Variants in FBXO21 observed in about 807,000 individuals in gnomAD.
The protein encoded by FBXO21 is F-box protein 21, also known as F-box only protein 21.
Under a neutral mutation model 76.6 loss-of-function variants are expected in FBXO21, and 32 were observed. That is an observed-to-expected ratio of 0.42 (90% CI 0.32 to 0.56). FBXO21 has a LOEUF of 0.56. FBXO21 is among the 20% of genes least tolerant of loss of function. The pLI, the probability that FBXO21 is intolerant of heterozygous loss-of-function variation, is 0.16. For missense variants in FBXO21, 586 were observed against 797.3 expected, an observed-to-expected ratio of 0.73 and a Z score of 3.19; for synonymous variants, 328 against 311.5, an observed-to-expected ratio of 1.05 and a Z score of -0.56.
At chr12:117,152,078 T>C (rs1955849246) in intron 11 of FBXO21, among the ~76,000 whole-genome samples, 1 of 151,342 alleles carries the variant, frequency 6.6e-6, no homozygotes, top group Non-Finnish European at 1.5e-5. Flanking sequence ...CCAAGAATTC[T>C]TATCCCGATC....
chr12:117,152,255 C>T (rs1955851642), intron 11 of FBXO21, among the ~76,000 whole-genome samples: 1 of 152,110 alleles, frequency 6.6e-6, no homozygotes, highest in South Asian at 2.1e-4. Flanking sequence ...ATGCTTGAGT[C>T]CAGGACTTCG....
chr12:117,177,122 C>T (rs183773725), intron 4 of FBXO21, among the ~76,000 whole-genome samples: 80 of 152,262 alleles, frequency 5.3e-4, no homozygotes, highest in African/African-American at 1.8e-3. Flanking sequence ...ACATTCTGTC[C>T]TCAATAAACT....
chr12:117,183,312 G>A (rs144628353), intron 3 of FBXO21, among the ~76,000 whole-genome samples: 1,978 of 151,478 alleles, frequency 0.013, 35 homozygotes, highest in African/African-American at 0.045. Flanking sequence ...ATGCAATGGC[G>A]CGATCTCGGC....
At chr12:117,160,186 C>T (rs1056691814) in intron 9 of FBXO21, among the ~76,000 whole-genome samples, 1 of 152,188 alleles carries the variant, frequency 6.6e-6, no homozygotes, top group Non-Finnish European at 1.5e-5. Context: ...TTTAACTACT[C>T]AACTCTGCCA....
chr12:117,189,540 G>T (rs1956323437), intron 1 of FBXO21, among the ~76,000 whole-genome samples, 178 bp from the exon 2 acceptor site: 1 of 152,074 alleles, frequency 6.6e-6, no homozygotes, highest in Admixed American at 6.5e-5. Context: ...TGTGACCTTG[G>T]CGTAGCGGCA....
At chr12:117,162,084 G>A (rs975194461) in intron 9 of FBXO21, among the ~76,000 whole-genome samples, 3 of 152,174 alleles carry the variant, frequency 2.0e-5, no homozygotes, top group Non-Finnish European at 4.4e-5. Flanking sequence ...TTGGGGAGGA[G>A]GAAAGGTGGC....
At chr12:117,181,999 T>C (rs915280179) in intron 3 of FBXO21, among the ~76,000 whole-genome samples, 5 of 151,922 alleles carry the variant, frequency 3.3e-5, no homozygotes, top group African/African-American at 1.2e-4. Context: ...TTGTAGGACA[T>C]ACTCGTTTTT....
chr12:117,150,871 C>CTGTGTTTG (rs1955830033), intron 11 of FBXO21, among the ~76,000 whole-genome samples: 1 of 127,630 alleles, frequency 7.8e-6, no homozygotes, highest in African/African-American at 3.0e-5. Flanking sequence ...TGGCCATGGA[C>CTGTGTTTG]TGTGTGTGTG....
chr12:117,184,447 T>C (rs1227610270), intron 3 of FBXO21, among the ~76,000 whole-genome samples: 1 of 152,164 alleles, frequency 6.6e-6, no homozygotes, highest in Non-Finnish European at 1.5e-5. Context: ...AAAAAGTGGT[T>C]GTCCATCTAT....
intron 3 of FBXO21, among the ~76,000 whole-genome samples, chr12:117,181,112 A>T (rs927787799): frequency 6.6e-6 from 1 of 152,138 alleles, no homozygotes; most frequent in Non-Finnish European, 1.5e-5. Context: ...GCCAGTCCTT[A>T]TATCAGTGTT....
chr12:117,172,391 T>G, intron 7 of FBXO21, 80 bp downstream of exon 7: 1 of 1,511,142 alleles, frequency 6.6e-7, no homozygotes, highest in Middle Eastern at 2.4e-4. Flanking sequence ...ACACCCAACT[T>G]GATGATGAAA....
chr12:117,174,137 T>TA, intron 6 of FBXO21, 68 bp downstream of exon 6: 1 of 1,354,038 alleles, frequency 7.4e-7, no homozygotes. Flanking sequence ...ACCCTGTCTC[T>TA]AAAAACAGAA....
intron 3 of FBXO21, among the ~76,000 whole-genome samples, chr12:117,179,401 G>C (rs1309076266): frequency 6.6e-6 from 1 of 151,958 alleles, no homozygotes; most frequent in Non-Finnish European, 1.5e-5. Context: ...CTAAACAGGC[G>C]AGTCTGTTTT....
intron 4 of FBXO21, 35 bp downstream of exon 4, chr12:117,177,485 A>G: frequency 6.3e-7 from 1 of 1,586,912 alleles, no homozygotes; most frequent in East Asian, 2.2e-5. Flanking sequence ...TACCTACAGA[A>G]ATACTACTGT....
chr12:117,146,410 T>C, intron 11 of FBXO21, 133 bp from the exon 12 acceptor site: 1 of 697,534 alleles, frequency 1.4e-6, no homozygotes, highest in Non-Finnish European at 2.4e-6. Context: ...AAGATGTTTA[T>C]GGAGTCAGGA....
chr12:117,163,394 G>A lies in FBXO21; in HGVS notation c.1326+2091C>T, dbSNP rs370419209. Among the ~76,000 whole-genome samples the A allele has an allele frequency of 7.2e-5, 11 of 152,040 alleles. No individual in the cohort carries two copies. In the East Asian group the frequency reaches 1.4e-3, roughly 19 times the overall value. On this transcript the variant is annotated intron_variant, in intron 9 of 11. Coordinates refer to ENST00000622495, the MANE Select transcript of FBXO21 (RefSeq NM_015002.3). Reference sequence around the variant, plus strand: ...CTAAAAATATAAAAATTAACCAGACGTGGTGGCACGTGTCTGTAATCCCAG... The same window carrying A: ...CTAAAAATATAAAAATTAACCAGACATGGTGGCACGTGTCTGTAATCCCAG...
chr12:117,155,930 C>G lies in FBXO21; in HGVS notation c.1536G>C (p.Val512=). 1 of 1,614,232 alleles carries G rather than the reference C, an allele frequency of 6.2e-7. No homozygotes were observed. The highest frequency in any genetic ancestry group is 1.1e-5 in the South Asian group (1 of 91,084). ...MKHKRYGYNC[V]IYGWDPTCMM... is the part of the protein sequence containing the mutation. ...TGCAGGTGGGGTCCCAGCCGTAGAT[C>G]ACACAGTTATAGCCATACCTAGTTA... Residue 512 remains valine, a synonymous_variant, in exon 11 of 12, where the codon GTG becomes GTC. Coordinates refer to ENST00000622495, the MANE Select transcript of FBXO21 (RefSeq NM_015002.3).
At chr12:117,186,120 G>A (rs147045149) in intron 3 of FBXO21, among the ~76,000 whole-genome samples, 2,291 of 152,200 alleles carry the variant, frequency 0.015, 63 homozygotes, top group African/African-American at 0.053. Flanking sequence ...CAGGTGATCC[G>A]CCCATCTCGG....
intron 7 of FBXO21, among the ~76,000 whole-genome samples, chr12:117,170,296 C>T (rs1337162841): frequency 6.6e-6 from 1 of 152,092 alleles, no homozygotes. Flanking sequence ...GAGACATTGG[C>T]GATGTCCCCC....
Sources: gnomAD v4.1 joint callset for allele counts (sites outside exome capture counted in the v4.1 genomes callset) on GRCh38, gnomAD v4.1.1 for gene constraint, MANE v1.5 for transcripts, NCBI Gene and HGNC (gene_info 2026-07-23, HGNC 2026-07-21) for gene names.